Variants in SYNE2 observed in about 807,000 individuals in gnomAD.
SYNE2 encodes nesprin-2.
In SYNE2, 431 loss-of-function variants were observed where a neutral mutation model predicts 856.3. The ratio of observed to expected loss-of-function variants is 0.50; its 90% CI spans 0.47 to 0.55. The LOEUF (loss-of-function observed/expected upper bound fraction) is 0.55, where lower values mean the gene tolerates loss of function less well. Ranked by LOEUF, SYNE2 falls within the 20% of genes least tolerant of loss-of-function variation. The pLI is 0.00. For missense variants in SYNE2, 8,129 were observed against 8,023.2 expected, an observed-to-expected ratio of 1.01 and a Z score of -0.50; for synonymous variants, 2,923 against 2,872.3, an observed-to-expected ratio of 1.02 and a Z score of -0.56.
At chr14:64,149,471 A>C (rs1343231772) in intron 84 of SYNE2, among the ~76,000 whole-genome samples, 1 of 151,572 alleles carries the variant, frequency 6.6e-6, no homozygotes, top group African/African-American at 2.4e-5. Context: ...ATTAGGATTG[A>C]AATATTCCGA....
intron 73 of SYNE2, among the ~76,000 whole-genome samples, 188 bp from the exon 74 acceptor site, chr14:64,128,264 G>C (rs1361430807): frequency 1.3e-5 from 2 of 152,192 alleles, no homozygotes; most frequent in East Asian, 3.8e-4. Flanking sequence ...GAGGGAGGAT[G>C]TAGAGGGAAG....
chr14:63,905,832 A>G lies in SYNE2; in HGVS notation c.-51-3266A>G, dbSNP rs55751889. Among the ~76,000 whole-genome samples, 1,495 of 152,116 alleles carry G rather than the reference A, an allele frequency of 9.8e-3. 22 individuals carry two copies. Among genetic ancestry groups the G allele is most frequent in the African/African-American group, 0.035 (1,434 of 41,498 alleles). On this transcript the variant is annotated intron_variant, in intron 1 of 115. Coordinates refer to ENST00000555002, the MANE Select transcript of SYNE2 (RefSeq NM_182914.3). ...TGCTCTGGCGGGGGCTTCCAGTGCT[A>G]TGTTGAATAGGAGTGGTGAGAGTGG...
At chr14:64,085,857 C>T (rs768704367) in intron 57 of SYNE2, among the ~76,000 whole-genome samples, 12 of 152,104 alleles carry the variant, frequency 7.9e-5, no homozygotes, top group African/African-American at 2.7e-4. Context: ...TAAAAAATTG[C>T]ATTGTCTTCT....
chr14:64,038,821 A>T (rs982277765), intron 45 of SYNE2, among the ~76,000 whole-genome samples: 1 of 152,026 alleles, frequency 6.6e-6, no homozygotes, highest in Admixed American at 6.6e-5. Flanking sequence ...TCGGCATCAG[A>T]GGGAGACCGT....
At chr14:64,088,782 C>T (rs2097582803) in intron 58 of SYNE2, among the ~76,000 whole-genome samples, 1 of 152,160 alleles carries the variant, frequency 6.6e-6, no homozygotes, top group Non-Finnish European at 1.5e-5. Context: ...TAAAGTTCTT[C>T]ATTATTTACA....
chr14:64,151,420 TAAAAAAAA>T (rs540541655), intron 84 of SYNE2, among the ~76,000 whole-genome samples: 2 of 19,340 alleles, frequency 1.0e-4, no homozygotes, highest in East Asian at 2.8e-3. Flanking sequence ...ACAAAGGATT[TAAAAAAAA>T]AAAAAAAAAA....
At chr14:63,863,608 C>A (rs1255578985) in intron 1 of SYNE2, among the ~76,000 whole-genome samples, 2 of 152,154 alleles carry the variant, frequency 1.3e-5, no homozygotes, top group African/African-American at 4.8e-5. Flanking sequence ...TAAAAACCCC[C>A]CACAACTCAA....
At chr14:64,191,524 G>C (rs2098518762) in intron 99 of SYNE2, among the ~76,000 whole-genome samples, 1 of 152,200 alleles carries the variant, frequency 6.6e-6, no homozygotes, top group South Asian at 2.1e-4. Flanking sequence ...GAATAGAGCA[G>C]CATCGAAGCC....
rs190538884 is a variant in SYNE2 at position 64,145,746 on chromosome 14, C to G, written c.15484-322C>G. Among the ~76,000 whole-genome samples, 545 of 152,200 alleles carry G rather than the reference C, an allele frequency of 3.6e-3. 3 individuals are homozygous for G. The highest frequency in any genetic ancestry group is 6.0e-3 in the Non-Finnish European group (410 of 68,010). On this transcript the variant is annotated intron_variant, in intron 83 of 115. Coordinates refer to ENST00000555002, the MANE Select transcript of SYNE2 (RefSeq NM_182914.3). ...TCTGAGGAAAGAAATTTTTCTTATA[C>G]TTTACATATATTAATAGATGACACA... is the stretch of plus-strand genomic sequence containing the variant.
intron 107 of SYNE2, 171 bp downstream of exon 107, chr14:64,215,525 C>A: frequency 2.7e-6 from 2 of 735,408 alleles, no homozygotes; most frequent in East Asian, 2.7e-5. Context: ...CTGCGTGCTC[C>A]TTACAAAACC....
intron 57 of SYNE2, chr14:64,087,390 A>C: frequency 3.4e-6 from 2 of 591,642 alleles, no homozygotes; most frequent in South Asian, 2.8e-5. Context: ...GTATAATAAA[A>C]GACACTTCTC....
At position 63,995,289 on chromosome 14, in the gene SYNE2, A is replaced by C. The variant is rs1255912; in HGVS notation, c.2940+87A>C. On this transcript the variant is annotated intron_variant, in intron 23 of 115. Transcript: ENST00000555002. The stretch of plus-strand genomic sequence containing the variant: ...TGTGTATCTTTAGCCTAGGATGAAA[A>C]CTGTTCTGAAAATTACCCTAGCCCT... 0.46 allele frequency: 569,041 copies of C among 1,239,140 alleles called. 133,547 individuals carry two copies. Among genetic ancestry groups the C allele is most frequent in the African/African-American group, 0.7 (46,919 of 66,728 alleles). 76.8% of individuals were successfully genotyped at this position (1,239,140 alleles called of 1,614,324 possible).
rs760038998 is a variant in SYNE2 at position 64,223,221 on chromosome 14, T to C, written c.20223T>C (p.Pro6741=). The change falls in exon 113 of 116, where the codon CCT becomes CCC. Residue 6741 remains proline (P), a synonymous_variant. Coordinates refer to ENST00000555002, the MANE Select transcript of SYNE2 (RefSeq NM_182914.3). ...AAAAGGAGCTGGTAGAACGTCAACC[T>C]CAAGTGGACATGTTACAGGAGATTT... ...QLEKELVERQ[P]QVDMLQEISN... is the part of the protein sequence containing the mutation. 1.2e-6 allele frequency: 2 copies of C among 1,614,018 alleles called. No homozygotes were observed. Among genetic ancestry groups the C allele is most frequent in the South Asian group, 2.2e-5 (2 of 91,042 alleles).
intron 66 of SYNE2, among the ~76,000 whole-genome samples, chr14:64,115,763 T>C (rs2097849367): frequency 6.6e-6 from 1 of 152,126 alleles, no homozygotes; most frequent in Admixed American, 6.5e-5. Flanking sequence ...CATAACACAA[T>C]AAAGTTATTA....
At chr14:63,959,540 C>G (rs912695696) in intron 8 of SYNE2, among the ~76,000 whole-genome samples, 10 of 151,848 alleles carry the variant, frequency 6.6e-5, no homozygotes, top group Non-Finnish European at 1.5e-5. Context: ...TCAGGTGATT[C>G]GCCGCCTTGA....
rs539071566 is a variant in SYNE2, at chr14:64,165,248, T to A, written c.16480-37T>A. The A allele has an allele frequency of 1.2e-5, 19 of 1,605,814 alleles. No individual in the cohort carries two copies. The South Asian group carries it at 2.0e-4, about 17-fold the overall frequency. ...TGTTTAATTCTGTTTTATATGTACA[T>A]GAAAATAGTTTCTAATGAAAATTTC... On this transcript the variant is annotated intron_variant, in intron 89 of 115. Transcript: ENST00000555002.
intron 99 of SYNE2, among the ~76,000 whole-genome samples, chr14:64,201,058 C>G (rs1022506353): frequency 6.6e-6 from 1 of 152,216 alleles, no homozygotes; most frequent in Non-Finnish European, 1.5e-5. Flanking sequence ...CCTCTTATTT[C>G]AAGCTCACCG....
chr14:63,894,544 A>T (rs372213525), intron 1 of SYNE2, among the ~76,000 whole-genome samples: 2 of 152,004 alleles, frequency 1.3e-5, no homozygotes, highest in South Asian at 2.1e-4. Flanking sequence ...ATGTGTTTGC[A>T]TTGCTGGAAC....
At chr14:63,996,073 G>A (rs1009935717) in intron 23 of SYNE2, among the ~76,000 whole-genome samples, 9 of 151,968 alleles carry the variant, frequency 5.9e-5, no homozygotes, top group Admixed American at 2.0e-4. Context: ...AGTGTTTTTC[G>A]GAGAACTCAA....
Sources: allele counts gnomAD v4.1 joint callset (sites outside exome capture counted in the v4.1 genomes callset), GRCh38; gene constraint gnomAD v4.1.1; transcripts MANE v1.5; gene names NCBI Gene and HGNC (gene_info 2026-07-23, HGNC 2026-07-21).